USP24: variants seen among roughly 807,000 people sequenced by gnomAD.
USP24 encodes the protein ubiquitin carboxyl-terminal hydrolase 24.
Under a neutral mutation model 361.6 loss-of-function variants are expected in USP24, and 97 were observed. The ratio of observed to expected loss-of-function variants is 0.27; its 90% CI spans 0.23 to 0.32. USP24 has a LOEUF of 0.32. Ranked by LOEUF, USP24 falls within the 10% of genes least tolerant of loss-of-function variation. The pLI, the probability that USP24 is intolerant of heterozygous loss-of-function variation, is 1.00. For missense variants in USP24, 2,353 were observed against 3,165.6 expected (o/e 0.74, Z 6.16); for synonymous variants, 1,098 against 1,124.6 (o/e 0.98, Z 0.47).
At chr1:55,210,937 TA>T (rs1644832236) in intron 1 of USP24, among the ~76,000 whole-genome samples, 1 of 152,246 alleles carries the variant, frequency 6.6e-6, no homozygotes, top group African/African-American at 2.4e-5. Flanking sequence ...ACTTCCATTT[TA>T]GTATTTTCTA....
Position 55,078,661 on chromosome 1 carries a change from A to C in USP24, c.7201-10T>G, listed in dbSNP as rs549243525. The C allele has an allele frequency of 6.5e-5, 104 of 1,596,118 alleles. No homozygotes were observed. The East Asian group carries it at 2.1e-3, about 32-fold the overall frequency. On this transcript the variant is annotated splice_polypyrimidine_tract_variant and intron_variant, in intron 60 of 67. Coordinates refer to ENST00000294383, the MANE Select transcript of USP24 (RefSeq NM_015306.3). Reference sequence around the variant, plus strand: ...GCAAAGCAAACATTACCTGGTGGGAAGACATAACACAGTCAGCTATTCTCA... The same window carrying C: ...GCAAAGCAAACATTACCTGGTGGGACGACATAACACAGTCAGCTATTCTCA...
At position 55,201,600 on chromosome 1, in the gene USP24, C is replaced by CAA. The variant is rs56659823; in HGVS notation, c.324+13188_324+13189dup. Among the ~76,000 whole-genome samples, 67 of 35,460 alleles carry CAA rather than the reference C, an allele frequency of 1.9e-3. 13 individuals are homozygous for CAA. The highest frequency in any genetic ancestry group is 8.3e-3 in the African/African-American group (51 of 6,178). The allele number at this position is 35,460 out of a possible 152,430, so 23.3% of individuals were successfully genotyped here. A position where few individuals can be genotyped will look rare whatever the true frequency, so the allele number is the denominator to read the frequency against. Reference sequence around the variant, plus strand: ...TGGGTGACAGAGCAAGACTCCATCTCAAAAAAAAAAAAAAAAAAAAAAAAA... The same window carrying CAA: ...TGGGTGACAGAGCAAGACTCCATCTCAAAAAAAAAAAAAAAAAAAAAAAAAAA... On this transcript the variant is annotated intron_variant, in intron 1 of 67. Transcript: ENST00000294383.
chr1:55,195,810 T>G (rs145147400), intron 1 of USP24, among the ~76,000 whole-genome samples: 41 of 152,290 alleles, frequency 2.7e-4, no homozygotes, highest in African/African-American at 9.9e-4. Flanking sequence ...AAGGAAAGGT[T>G]GTTGTTTAAC....
chr1:55,197,650 T>A (rs922691474), intron 1 of USP24, among the ~76,000 whole-genome samples: 1 of 152,226 alleles, frequency 6.6e-6, no homozygotes, highest in Non-Finnish European at 1.5e-5. Flanking sequence ...AATAAGAGTG[T>A]GTTACTCAAT....
intron 1 of USP24, among the ~76,000 whole-genome samples, chr1:55,196,886 C>A (rs1433291223): frequency 6.6e-6 from 1 of 152,208 alleles, no homozygotes; most frequent in Non-Finnish European, 1.5e-5. Flanking sequence ...AACATGCCAG[C>A]CCTGCTGCTA....
At chr1:55,093,290 T>G (rs980340107) in intron 52 of USP24, among the ~76,000 whole-genome samples, 1 of 152,254 alleles carries the variant, frequency 6.6e-6, no homozygotes, top group Non-Finnish European at 1.5e-5. Context: ...TCTTTCTTAA[T>G]GTAAGACTCG....
Position 55,215,357 on chromosome 1 carries a change from G to GGCCTCCTCCCCCTCCGCC in USP24, c.-245_-244insGGCGGAGGGGGAGGAGGC, listed in dbSNP as rs1553177300. On this transcript the variant is annotated 5_prime_UTR_variant, in exon 1 of 68. Coordinates refer to ENST00000294383, the MANE Select transcript of USP24 (RefSeq NM_015306.3). ...GCCCAGCCCTGCGCGCCGCCATGTT[G>GGCCTCCTCCCCCTCCGCC]GCCTCCTCCCCCTCCGCCTCCTCCT... Among the ~76,000 whole-genome samples, 2 of 151,940 alleles carry GGCCTCCTCCCCCTCCGCC rather than the reference G, an allele frequency of 1.3e-5. No individual in the cohort carries two copies. Among genetic ancestry groups the GGCCTCCTCCCCCTCCGCC allele is most frequent in the African/African-American group, 2.4e-5 (1 of 41,418 alleles).
At chr1:55,087,808 T>C (rs1355765418) in intron 55 of USP24, among the ~76,000 whole-genome samples, 1 of 152,180 alleles carries the variant, frequency 6.6e-6, no homozygotes, top group Non-Finnish European at 1.5e-5. Context: ...TCCGTTAGAC[T>C]GGGTGACTGG....
At chr1:55,196,811 C>T (rs907863339) in intron 1 of USP24, among the ~76,000 whole-genome samples, 1 of 152,194 alleles carries the variant, frequency 6.6e-6, no homozygotes, top group Non-Finnish European at 1.5e-5. Flanking sequence ...GCCTGCAAGG[C>T]CCTAATGGGG....
chr1:55,175,818 C>T lies in USP24; in HGVS notation c.558+558G>A, dbSNP rs78784902. 6.2e-3 allele frequency among the ~76,000 whole-genome samples: 942 copies of T among 152,244 alleles called. 16 individuals are homozygous for T. The highest frequency in any genetic ancestry group is 0.043 in the Admixed American group (652 of 15,286). Reference sequence around the variant, plus strand: ...AACACAATTCTTGTGATCTCCCATTCCCATTGTTAAGAAACACTGCTTTCT... The same window carrying T: ...AACACAATTCTTGTGATCTCCCATTTCCATTGTTAAGAAACACTGCTTTCT... On this transcript the variant is annotated intron_variant, in intron 3 of 67. Coordinates refer to ENST00000294383, the MANE Select transcript of USP24 (RefSeq NM_015306.3).
At chr1:55,131,394 A>G (rs10493178) in intron 31 of USP24, among the ~76,000 whole-genome samples, 5,436 of 152,262 alleles carry the variant, frequency 0.036, 305 homozygotes, top group African/African-American at 0.12. Context: ...ATGCTACTAC[A>G]TTTCATAAAG....
At chr1:55,174,411 CT>C (rs1243299786) in intron 3 of USP24, among the ~76,000 whole-genome samples, 1 of 152,164 alleles carries the variant, frequency 6.6e-6, no homozygotes. Context: ...GGAGGAGAAC[CT>C]TTTTAATAGC....
chr1:55,176,390 C>T lies in USP24; in HGVS notation c.544G>A (p.Glu182Lys). ...ATTTTTCTTACCTTTTTAAATGCTT[C>T]AGGCATACACCTGTCCATAAACCTT... Reference protein sequence around the residue: ...CRRFMDRCMPEAFKKLLTSSA... With the variant: ...CRRFMDRCMPKAFKKLLTSSA... Residue 182 changes from glutamate (E) to lysine (K), a missense_variant, in exon 3 of 68, where the codon GAA (glutamate) becomes AAA (lysine). Physicochemically the swap from Glu to Lys is moderately conservative, Grantham distance 56. Transcript: ENST00000294383. 3 of 1,570,196 alleles carry T rather than the reference C, an allele frequency of 1.9e-6. No individual in the cohort carries two copies. The highest frequency in any genetic ancestry group is 2.6e-6 in the Non-Finnish European group (3 of 1,155,804).
intron 42 of USP24, 126 bp from the exon 43 acceptor site, chr1:55,101,829 A>G (rs1011042467): frequency 2.0e-5 from 25 of 1,241,072 alleles, no homozygotes; most frequent in East Asian, 2.8e-5. Flanking sequence ...TATGAAAGCT[A>G]TGCTGGCAAA....
chr1:55,171,699 G>A (rs1218777071), intron 4 of USP24, 21 bp from the exon 5 acceptor site: 5 of 1,591,154 alleles, frequency 3.1e-6, no homozygotes, highest in Non-Finnish European at 4.3e-6. Context: ...AGAGAACAGA[G>A]AAACATTATT....
chr1:55,141,419 T>C (rs193074447), intron 24 of USP24, among the ~76,000 whole-genome samples, 197 bp downstream of exon 24: 25 of 152,290 alleles, frequency 1.6e-4, no homozygotes, highest in Admixed American at 9.2e-4. Context: ...GGTGATGACC[T>C]ACACACAGAA....
intron 24 of USP24, among the ~76,000 whole-genome samples, chr1:55,139,309 C>T (rs1297428391): frequency 6.6e-6 from 1 of 152,130 alleles, no homozygotes; most frequent in East Asian, 1.9e-4. Flanking sequence ...GTTTCTAGGC[C>T]TATCTGTCCA....
chr1:55,151,832 C>G (rs1647201882), intron 16 of USP24: 1 of 925,722 alleles, frequency 1.1e-6, no homozygotes, highest in Admixed American at 6.2e-5. Context: ...GTATCAAAAG[C>G]AGAGGGAAGG....
At chr1:55,117,607 A>T (rs925283953) in intron 38 of USP24, among the ~76,000 whole-genome samples, 4 of 152,070 alleles carry the variant, frequency 2.6e-5, no homozygotes, top group African/African-American at 7.2e-5. Context: ...GGGCGCCTGT[A>T]GTCCCAGCTA....
Sources: gnomAD v4.1 joint callset for allele counts (sites outside exome capture counted in the v4.1 genomes callset) on GRCh38, gnomAD v4.1.1 for gene constraint, MANE v1.5 for transcripts, NCBI Gene and HGNC (gene_info 2026-07-23, HGNC 2026-07-21) for gene names.